Variants in SOX5 observed in about 807,000 individuals in gnomAD.
SOX5 encodes transcription factor SOX-5.
A neutral mutation model predicts 92.0 loss-of-function variants in SOX5; 9 were observed. That is an observed-to-expected ratio of 0.10 (90% CI 0.06 to 0.17). The LOEUF is 0.17. Among genes scored for constraint, SOX5 ranks in the 10% least tolerant of loss-of-function variants. The probability of loss-of-function intolerance (pLI) is 1.00; values close to 1 mark genes in which losing one functional copy is unlikely to be tolerated. For synonymous variants in SOX5, 344 were observed against 336.3 expected, an observed-to-expected ratio of 1.02 and a Z score of -0.25; for missense variants, 642 against 944.5, an observed-to-expected ratio of 0.68 and a Z score of 4.20.
chr12:24,396,917 T>C (rs1205885370), intron 1 of SOX5, among the ~76,000 whole-genome samples: 1 of 152,224 alleles, frequency 6.6e-6, no homozygotes, highest in Non-Finnish European at 1.5e-5. Flanking sequence ...AAGGAGTTGG[T>C]TAAAACACAA....
chr12:24,441,155 A>G lies in SOX5; in HGVS notation c.-250-72516T>C, dbSNP rs145886516. Reference sequence around the variant, plus strand: ...AAGACTTTGATCAGAAGGAACAATAATTTCCTAATAGAACTCTGTATGCAG... The same window carrying G: ...AAGACTTTGATCAGAAGGAACAATAGTTTCCTAATAGAACTCTGTATGCAG... On this transcript the variant is annotated intron_variant, in intron 1 of 4. Coordinates refer to the SOX5 transcript ENST00000446891. 2.4e-3 allele frequency among the ~76,000 whole-genome samples: 366 copies of G among 152,308 alleles called. 4 individuals carry two copies. Among genetic ancestry groups the G allele is most frequent in the African/African-American group, 8.3e-3 (346 of 41,576 alleles).
rs551423318 is a variant in SOX5, at chr12:24,528,101, G to A, written c.-251+34228C>T. Among the ~76,000 whole-genome samples the A allele has an allele frequency of 3.8e-4, 58 of 152,284 alleles. 1 individual carries two copies. The highest frequency in any genetic ancestry group is 6.8e-3 in the Middle Eastern group (2 of 294). ...TATTTCAGGGTCAAACATAGGGAAT[G>A]AATAACCTCTGCCTGGCTCATATGC... On this transcript the variant is annotated intron_variant, in intron 1 of 4. Transcript: ENST00000446891.
At chr12:23,859,528 G>C (rs752769216) in intron 2 of SOX5, among the ~76,000 whole-genome samples, 1 of 152,250 alleles carries the variant, frequency 6.6e-6, no homozygotes, top group Non-Finnish European at 1.5e-5. Context: ...TGTGCCCAGC[G>C]GGACATGGAC....
At chr12:23,820,346 G>A (rs1024233650) in intron 3 of SOX5, among the ~76,000 whole-genome samples, 3 of 152,004 alleles carry the variant, frequency 2.0e-5, no homozygotes, top group Non-Finnish European at 4.4e-5. Flanking sequence ...TGGATAGATT[G>A]CAAAAATTTT....
intron 1 of SOX5, among the ~76,000 whole-genome samples, chr12:24,469,862 G>A (rs561888163): frequency 6.6e-6 from 1 of 152,228 alleles, no homozygotes; most frequent in Admixed American, 6.5e-5. Context: ...TTGATAATTT[G>A]TCTCATTACT....
chr12:24,179,772 A>G (rs1191599335), intron 4 of SOX5, among the ~76,000 whole-genome samples: 3 of 152,092 alleles, frequency 2.0e-5, no homozygotes, highest in Non-Finnish European at 2.9e-5. Context: ...GATGTATTAA[A>G]TGCTTTTTCA....
intron 2 of SOX5, among the ~76,000 whole-genome samples, chr12:24,333,700 A>C (rs1208999618): frequency 1.3e-5 from 2 of 152,072 alleles, no homozygotes; most frequent in African/African-American, 2.4e-5. Context: ...AATCCCTAAA[A>C]ATACATTATA....
chr12:24,529,409 T>C (rs1950981702), intron 1 of SOX5, among the ~76,000 whole-genome samples: 1 of 152,232 alleles, frequency 6.6e-6, no homozygotes, highest in African/African-American at 2.4e-5. Context: ...GGGATCTTTG[T>C]AGCATGTTAT....
chr12:24,376,687 T>C (rs79102160), intron 1 of SOX5, among the ~76,000 whole-genome samples: 1 of 130,742 alleles, frequency 7.6e-6, no homozygotes, highest in Non-Finnish European at 1.6e-5. Context: ...ATGGGAGAGA[T>C]ACCTTTTTTT....
intron 7 of SOX5, among the ~76,000 whole-genome samples, chr12:23,654,687 G>C (rs890971332): frequency 3.9e-5 from 6 of 152,020 alleles, no homozygotes; most frequent in African/African-American, 1.4e-4. Flanking sequence ...TAAAGGTGAA[G>C]GAATTTCGAA....
chr12:24,161,021 C>T (rs1454863861), intron 4 of SOX5, among the ~76,000 whole-genome samples: 1 of 152,002 alleles, frequency 6.6e-6, no homozygotes, highest in Admixed American at 6.6e-5. Context: ...TGCAGCTGAG[C>T]AAAGTGAACA....
chr12:23,891,575 T>C (rs1428859412), intron 2 of SOX5, among the ~76,000 whole-genome samples: 3 of 150,016 alleles, frequency 2.0e-5, no homozygotes, highest in African/African-American at 7.4e-5. Flanking sequence ...AGTATGAATG[T>C]CACACACAAA....
chr12:23,931,911 G>A (rs1053520564), intron 1 of SOX5, among the ~76,000 whole-genome samples: 1 of 151,574 alleles, frequency 6.6e-6, no homozygotes, highest in African/African-American at 2.4e-5. Context: ...TATCTTCAGA[G>A]TAGACATTAT....
chr12:23,893,725 A>G (rs1398784907), intron 2 of SOX5, among the ~76,000 whole-genome samples: 1 of 152,224 alleles, frequency 6.6e-6, no homozygotes, highest in Non-Finnish European at 1.5e-5. Context: ...TAAAAGTGGA[A>G]AAGGCATAAG....
intron 3 of SOX5, among the ~76,000 whole-genome samples, chr12:23,774,756 G>A (rs2095046222): frequency 6.6e-6 from 1 of 151,920 alleles, no homozygotes; most frequent in Non-Finnish European, 1.5e-5. Flanking sequence ...TCTCATTCTT[G>A]TAGTCATTTT....
At chr12:23,970,826 T>C (rs10842253) in intron 4 of SOX5, among the ~76,000 whole-genome samples, 6 of 25,774 alleles carry the variant, frequency 2.3e-4, no homozygotes, top group Admixed American at 6.4e-4. Flanking sequence ...ACATGGGACT[T>C]TATATATATA....
chr12:24,092,336 A>G (rs1302225916), intron 4 of SOX5, among the ~76,000 whole-genome samples: 1 of 151,748 alleles, frequency 6.6e-6, no homozygotes, highest in African/African-American at 2.4e-5. Context: ...TTCTTAATCT[A>G]CTTTAAAGAT....
At chr12:24,506,877 G>A (rs535176336) in intron 1 of SOX5, among the ~76,000 whole-genome samples, 1 of 133,562 alleles carries the variant, frequency 7.5e-6, no homozygotes, top group South Asian at 2.5e-4. Flanking sequence ...TGTAAGCTCC[G>A]CCTCCCGGGT....
chr12:24,244,969 G>A (rs1400031973), intron 3 of SOX5, among the ~76,000 whole-genome samples: 1 of 152,158 alleles, frequency 6.6e-6, no homozygotes, highest in Non-Finnish European at 1.5e-5. Context: ...ACAGGCGTGA[G>A]TCACTGCACC....
Sources: allele counts gnomAD v4.1 joint callset (sites outside exome capture counted in the v4.1 genomes callset), GRCh38; gene constraint gnomAD v4.1.1; transcripts MANE v1.5; gene names NCBI Gene and HGNC (gene_info 2026-07-23, HGNC 2026-07-21).